Variants in MBTPS2 observed in about 807,000 individuals in gnomAD.
The protein encoded by MBTPS2 is membrane bound transcription factor peptidase, site 2, also known as membrane-bound transcription factor site-2 protease.
In MBTPS2, 2 loss-of-function variants were observed where a neutral mutation model predicts 35.4. That is an observed-to-expected ratio of 0.06 (90% CI 0.02 to 0.18). The LOEUF is 0.18. Ranked by LOEUF, MBTPS2 falls within the 10% of genes least tolerant of loss-of-function variation. The pLI, the probability that MBTPS2 is intolerant of heterozygous loss-of-function variation, is 1.00. For missense variants in MBTPS2, 244 were observed against 386.5 expected (o/e 0.63, Z 3.09); for synonymous variants, 125 against 140.4 (o/e 0.89, Z 0.77).
intron 2 of MBTPS2, among the ~76,000 whole-genome samples, chrX:21,844,599 A>G (rs1176905112): frequency 8.9e-6 from 1 of 112,752 alleles, no homozygotes; most frequent in Non-Finnish European, 1.9e-5. Flanking sequence ...AGAAAATTCT[A>G]TGCCTATAAA....
At chrX:21,859,105 C>A (rs1480399754) in intron 5 of MBTPS2, among the ~76,000 whole-genome samples, 4 of 111,395 alleles carry the variant, frequency 3.6e-5, no homozygotes, top group Admixed American at 9.5e-5. Context: ...ACAGTTCTTA[C>A]AAACTGTGTT....
chrX:21,876,724 A>T (rs1488058578), intron 7 of MBTPS2, among the ~76,000 whole-genome samples: 1 of 111,771 alleles, frequency 8.9e-6, no homozygotes, highest in African/African-American at 3.3e-5. Flanking sequence ...CAATACAAAG[A>T]TGTCTTCCTC....
intron 5 of MBTPS2, among the ~76,000 whole-genome samples, chrX:21,854,777 G>A (rs1000154465): frequency 9.8e-5 from 11 of 112,004 alleles, no homozygotes; most frequent in African/African-American, 3.2e-4. Flanking sequence ...ACTCTATACC[G>A]TGAACACAGA....
intron 7 of MBTPS2, among the ~76,000 whole-genome samples, chrX:21,876,051 A>G (rs1355749170): frequency 4.5e-5 from 5 of 112,097 alleles, no homozygotes; most frequent in African/African-American, 1.6e-4. Flanking sequence ...GTAAAAATCC[A>G]TGGGACTTGG....
intron 5 of MBTPS2, chrX:21,856,905 C>G (rs1371536358): frequency 1.1e-5 from 13 of 1,211,638 alleles, no homozygotes; most frequent in Non-Finnish European, 1.5e-5. Flanking sequence ...CAGCAAAAAG[C>G]CCAGCAAAAA....
At position 21,859,135 on chromosome X, in the gene MBTPS2, T is replaced by A. The variant is rs2092927894; in HGVS notation, c.670+5632T>A. Among the ~76,000 whole-genome samples, 6 of 111,200 alleles carry A rather than the reference T, an allele frequency of 5.4e-5. No individual in the cohort carries two copies. The South Asian group carries it at 2.3e-3, about 42-fold the overall frequency. ...TGTGTTTAAAATGGGACTTTTCACA[T>A]TCTTAGAAATAGGAAGTTCATTTAT... is the stretch of plus-strand genomic sequence containing the variant. On this transcript the variant is annotated intron_variant, in intron 5 of 10. Transcript: ENST00000379484.
Position 21,884,562 on chromosome X carries a change from G to A in MBTPS2, c.*1907G>A. On this transcript the variant is annotated 3_prime_UTR_variant, in exon 11 of 11. Coordinates refer to ENST00000379484, the MANE Select transcript of MBTPS2 (RefSeq NM_015884.4). ...AAACATTTTGATCTGTTGACCCATA[G>A]GATCAGGATTTGGGAACCACTTTAC... 1.3e-6 allele frequency: 1 copy of A among 753,978 alleles called. No homozygotes were observed. Among genetic ancestry groups the A allele is most frequent in the Non-Finnish European group, 1.6e-6 (1 of 639,125 alleles). 62.1% of individuals were successfully genotyped at this position (753,978 alleles called of 1,213,427 possible).
At chrX:21,839,896 C>A in intron 1 of MBTPS2, 87 bp downstream of exon 1, 1 of 939,393 alleles carries the variant, frequency 1.1e-6, no homozygotes, top group Non-Finnish European at 1.5e-6. Context: ...CCTGGCGCCT[C>A]CCGGGCTGGA....
chrX:21,878,768 A>C, intron 9 of MBTPS2, 76 bp downstream of exon 9: 1 of 660,560 alleles, frequency 1.5e-6, no homozygotes, highest in Non-Finnish European at 2.5e-6. Flanking sequence ...CTCACTACAA[A>C]TCCTTGAATT....
At chrX:21,869,059 A>G (rs932951371) in intron 6 of MBTPS2, among the ~76,000 whole-genome samples, 1 of 112,458 alleles carries the variant, frequency 8.9e-6, no homozygotes, top group Non-Finnish European at 1.9e-5. Context: ...CATTAGAAAG[A>G]GGAAAATTAC....
intron 1 of MBTPS2, among the ~76,000 whole-genome samples, chrX:21,842,435 T>G (rs56391281): frequency 0.017 from 1,833 of 110,497 alleles, 19 homozygotes; most frequent in Non-Finnish European, 0.026. Context: ...TGGTAGGGTT[T>G]TTTTTTTTTT....
chrX:21,869,930 C>A, intron 7 of MBTPS2: 1 of 324,960 alleles, frequency 3.1e-6, no homozygotes. Context: ...CTAATATTTT[C>A]TGCTTTCAAA....
intron 5 of MBTPS2, 40 bp from the exon 6 acceptor site, chrX:21,868,427 C>A: frequency 1.2e-6 from 1 of 838,001 alleles, no homozygotes; most frequent in Non-Finnish European, 1.8e-6. Flanking sequence ...ATCATTCCTG[C>A]CCCCGGTTGA....
chrX:21,865,133 C>T (rs2147445241), intron 5 of MBTPS2, among the ~76,000 whole-genome samples: 1 of 107,666 alleles, frequency 9.3e-6, no homozygotes, highest in South Asian at 4.2e-4. Flanking sequence ...ATACAACCAC[C>T]TCGGCCTCCC....
intron 9 of MBTPS2, among the ~76,000 whole-genome samples, chrX:21,879,759 G>GTCA (rs10690794): frequency 0.031 from 3,358 of 109,791 alleles, 143 homozygotes; most frequent in African/African-American, 0.11. Context: ...GCCTGTTCTT[G>GTCA]TCATTTCATA....
chrX:21,866,655 A>G lies in MBTPS2; in HGVS notation c.671-1812A>G, dbSNP rs180810644. Among the ~76,000 whole-genome samples, 24 of 111,905 alleles carry G rather than the reference A, an allele frequency of 2.1e-4. No individual in the cohort carries two copies. The East Asian group carries it at 5.9e-3, about 27-fold the overall frequency. On this transcript the variant is annotated intron_variant, in intron 5 of 10. Transcript: ENST00000379484. ...AGAGATGTAGAAGATTTCAGTAAACAGATGTCGTGTTCCTATGTCAGAAAT... is the reference window on the plus strand; with the variant it reads ...AGAGATGTAGAAGATTTCAGTAAACGGATGTCGTGTTCCTATGTCAGAAAT...
At chrX:21,849,112 AAT>A (rs2092911876) in intron 3 of MBTPS2, among the ~76,000 whole-genome samples, 2 of 112,085 alleles carry the variant, frequency 1.8e-5, no homozygotes, top group Admixed American at 1.9e-4. Flanking sequence ...AACCGACGTG[AAT>A]ATGTCATTAC....
intron 5 of MBTPS2, among the ~76,000 whole-genome samples, chrX:21,866,369 A>G (rs1206355980): frequency 9.0e-6 from 1 of 111,232 alleles, no homozygotes; most frequent in Non-Finnish European, 1.9e-5. Flanking sequence ...TGGAGGAGAT[A>G]AATGATTATT....
At position 21,882,707 on chromosome X, in the gene MBTPS2, T is replaced by A. The variant is rs377324808; in HGVS notation, c.*52T>A. On this transcript the variant is annotated 3_prime_UTR_variant, in exon 11 of 11. Transcript: ENST00000379484. ...TGAGTTACAGTATACAGCTATGTGG[T>A]AATATTCATTGCCATTGAAATTCTT... 56 of 1,201,528 alleles carry A rather than the reference T, an allele frequency of 4.7e-5. No individual in the cohort carries two copies. Among genetic ancestry groups the A allele is most frequent in the Non-Finnish European group, 6.1e-5 (54 of 888,997 alleles).
Sources: gnomAD v4.1 joint callset for allele counts (sites outside exome capture counted in the v4.1 genomes callset) on GRCh38, gnomAD v4.1.1 for gene constraint, MANE v1.5 for transcripts, NCBI Gene and HGNC (gene_info 2026-07-23, HGNC 2026-07-21) for gene names.